Variants in AGBL4 observed in about 807,000 individuals in gnomAD.
The protein encoded by AGBL4 is cytosolic carboxypeptidase 6.
Under a neutral mutation model 66.4 loss-of-function variants are expected in AGBL4, and 58 were observed. That is an observed-to-expected ratio of 0.87 (90% confidence interval 0.71 to 1.09). AGBL4 has a LOEUF of 1.09. Ranked by LOEUF, AGBL4 falls within the 50% of genes least tolerant of loss-of-function variation. The probability of loss-of-function intolerance (pLI) is 0.00; values close to 1 mark genes in which losing one functional copy is unlikely to be tolerated. For missense variants in AGBL4, 579 were observed against 631.0 expected (o/e 0.92, Z 0.88); for synonymous variants, 234 against 222.9 (o/e 1.05, Z -0.44).
chr1:49,925,751 G>C (rs960679883), intron 1 of AGBL4, among the ~76,000 whole-genome samples: 5 of 152,184 alleles, frequency 3.3e-5, no homozygotes, highest in African/African-American at 1.2e-4. Context: ...TGCTCCCCGT[G>C]GGCAGGTGGT....
At chr1:49,243,163 T>A (rs1651370497) in intron 4 of AGBL4, among the ~76,000 whole-genome samples, 3 of 151,698 alleles carry the variant, frequency 2.0e-5, no homozygotes, top group African/African-American at 4.8e-5. Flanking sequence ...CCATGACTTA[T>A]TTGGAATATC....
At chr1:49,264,697 C>T (rs2148371774) in intron 3 of AGBL4, among the ~76,000 whole-genome samples, 1 of 152,214 alleles carries the variant, frequency 6.6e-6, no homozygotes, top group South Asian at 2.1e-4. Context: ...AGTCGCATAT[C>T]ACCACACCCG....
intron 5 of AGBL4, among the ~76,000 whole-genome samples, chr1:49,043,354 T>C (rs1036139442): frequency 6.6e-6 from 1 of 152,134 alleles, no homozygotes; most frequent in Non-Finnish European, 1.5e-5. Context: ...ATGAGGTCTG[T>C]ATATTTATTT....
intron 1 of AGBL4, among the ~76,000 whole-genome samples, chr1:49,923,606 C>G (rs915983524): frequency 6.6e-6 from 1 of 151,734 alleles, no homozygotes; most frequent in Non-Finnish European, 1.5e-5. Context: ...GGAACTTAAA[C>G]AAACATATAA....
chr1:49,367,039 C>T (rs574426238), intron 3 of AGBL4, among the ~76,000 whole-genome samples: 9 of 152,280 alleles, frequency 5.9e-5, no homozygotes, highest in African/African-American at 2.2e-4. Flanking sequence ...TGATAACTTG[C>T]AATTTTCCCA....
chr1:49,697,187 G>GT, intron 3 of AGBL4, 126 bp downstream of exon 3: 1 of 1,118,446 alleles, frequency 8.9e-7, no homozygotes, highest in Non-Finnish European at 1.2e-6. Context: ...AACCAAAACT[G>GT]TATCATTGCT....
intron 5 of AGBL4, among the ~76,000 whole-genome samples, chr1:48,900,741 G>A (rs1189990290): frequency 6.6e-6 from 1 of 152,118 alleles, no homozygotes; most frequent in Non-Finnish European, 1.5e-5. Context: ...CATTCAAAAT[G>A]GCACATAGTC....
chr1:49,656,834 T>C (rs1646146106), intron 3 of AGBL4, among the ~76,000 whole-genome samples: 1 of 152,178 alleles, frequency 6.6e-6, no homozygotes, highest in South Asian at 2.1e-4. Context: ...TCTCAATAAA[T>C]TCGGCATTGA....
intron 5 of AGBL4, among the ~76,000 whole-genome samples, chr1:48,922,324 A>G (rs979864885): frequency 1.3e-5 from 2 of 152,222 alleles, no homozygotes; most frequent in Admixed American, 1.3e-4. Context: ...CTGCATTCCA[A>G]TAAAAAGGCT....
At chr1:48,997,916 T>C (rs1198421941) in intron 5 of AGBL4, among the ~76,000 whole-genome samples, 1 of 152,196 alleles carries the variant, frequency 6.6e-6, no homozygotes, top group Non-Finnish European at 1.5e-5. Flanking sequence ...CTCAAATAGA[T>C]TGCAAATGCC....
chr1:49,243,037 A>G (rs1364933259), intron 4 of AGBL4, among the ~76,000 whole-genome samples: 2 of 149,684 alleles, frequency 1.3e-5, no homozygotes, highest in African/African-American at 4.9e-5. Context: ...ATATATATAC[A>G]CACACATACA....
At chr1:49,353,431 A>G (rs1643952087) in intron 3 of AGBL4, among the ~76,000 whole-genome samples, 1 of 152,190 alleles carries the variant, frequency 6.6e-6, no homozygotes, top group Non-Finnish European at 1.5e-5. Flanking sequence ...ATGGATAATT[A>G]CAATTATTGT....
At chr1:49,762,047 A>T (rs917972183) in intron 2 of AGBL4, among the ~76,000 whole-genome samples, 6 of 152,188 alleles carry the variant, frequency 3.9e-5, no homozygotes, top group African/African-American at 1.4e-4. Context: ...ACATGACTGC[A>T]AATGTTGCTT....
Position 49,288,520 on chromosome 1 carries a change from AG to A in AGBL4, c.283-42657del, listed in dbSNP as rs1168480925. ...TTGCGAATTTTAAAAATCATAGAAAAGTGAGACCAAAATTCTGTGCAATTTT... is the reference window on the plus strand; with the variant it reads ...TTGCGAATTTTAAAAATCATAGAAAATGAGACCAAAATTCTGTGCAATTTT... On this transcript the variant is annotated intron_variant, in intron 3 of 13. Transcript: ENST00000371839. Among the ~76,000 whole-genome samples the A allele has an allele frequency of 2.0e-5, 3 of 152,280 alleles. No homozygotes were observed. The East Asian group carries it at 5.8e-4, about 29-fold the overall frequency.
chr1:49,287,618 C>T (rs2148419304), intron 3 of AGBL4, among the ~76,000 whole-genome samples: 1 of 152,320 alleles, frequency 6.6e-6, no homozygotes, highest in Non-Finnish European at 1.5e-5. Flanking sequence ...AAGAAATGCT[C>T]ATCATCACTG....
chr1:49,748,725 T>C (rs760103141), intron 2 of AGBL4, among the ~76,000 whole-genome samples: 10 of 152,226 alleles, frequency 6.6e-5, no homozygotes, highest in African/African-American at 2.4e-4. Context: ...TGGTATTTCA[T>C]TGTGGTTTTA....
chr1:49,841,827 C>A, intron 2 of AGBL4: 1 of 403,980 alleles, frequency 2.5e-6, no homozygotes, highest in Non-Finnish European at 4.5e-6. Context: ...CCACCGGCAC[C>A]ACGGCCTTTG....
At chr1:49,257,941 G>A (rs369249290) in intron 3 of AGBL4, among the ~76,000 whole-genome samples, 2 of 152,148 alleles carry the variant, frequency 1.3e-5, no homozygotes, top group African/African-American at 4.8e-5. Flanking sequence ...ACCTCACACG[G>A]CTGGGTACTC....
chr1:49,681,200 T>C (rs1646686259), intron 3 of AGBL4, among the ~76,000 whole-genome samples: 1 of 152,212 alleles, frequency 6.6e-6, no homozygotes, highest in South Asian at 2.1e-4. Flanking sequence ...GTCATCTTAA[T>C]GTTGGTGTCT....
Sources: allele counts gnomAD v4.1 joint callset (sites outside exome capture counted in the v4.1 genomes callset), GRCh38; gene constraint gnomAD v4.1.1; transcripts MANE v1.5; gene names NCBI Gene and HGNC (gene_info 2026-07-23, HGNC 2026-07-21).